Variants in MS4A10 observed in about 807,000 individuals in gnomAD.
MS4A10 encodes the protein membrane-spanning 4-domains subfamily A member 10.
Under a neutral mutation model 27.7 loss-of-function variants are expected in MS4A10, and 27 were observed. That is an observed-to-expected ratio of 0.98 (90% CI 0.72 to 1.35). The LOEUF is 1.35. Ranked by LOEUF, MS4A10 falls within the 40% of genes most tolerant of loss-of-function variation. The pLI is 0.00. For synonymous variants in MS4A10, 139 were observed against 131.2 expected, an observed-to-expected ratio of 1.06 and a Z score of -0.41; for missense variants, 338 against 324.7, an observed-to-expected ratio of 1.04 and a Z score of -0.32.
At chr11:60,798,567 C>G in intron 7 of MS4A10, 53 bp downstream of exon 7, 2 of 1,382,130 alleles carry the variant, frequency 1.4e-6, no homozygotes, top group South Asian at 2.3e-5. Context: ...CGCTTGGCCC[C>G]TTCTCCCTGG....
At position 60,798,303 on chromosome 11, in the gene MS4A10, A is replaced by G. The variant is rs954387280; in HGVS notation, c.604-93A>G. 8 of 946,146 alleles carry G rather than the reference A, an allele frequency of 8.5e-6. No individual in the cohort carries two copies. The African/African-American group carries it at 1.3e-4, about 15-fold the overall frequency. The allele number at this position is 946,146 out of a possible 1,614,324, so 58.6% of individuals were successfully genotyped here. ...TTTCCCCACATTCATGGAGAACTTG[A>G]GTCTTCAGAAGTGAACTAGCAGAGA... On this transcript the variant is annotated intron_variant, in intron 6 of 7. Coordinates refer to ENST00000308287, the MANE Select transcript of MS4A10 (RefSeq NM_206893.4).
intron 1 of MS4A10, among the ~76,000 whole-genome samples, chr11:60,789,092 T>C (rs1414289653): frequency 6.6e-6 from 1 of 152,164 alleles, no homozygotes; most frequent in Non-Finnish European, 1.5e-5. Flanking sequence ...GGGCTATTTG[T>C]CCCTCCAAAC....
chr11:60,795,675 G>C lies in MS4A10; in HGVS notation c.603+10G>C, dbSNP rs1007038278. 4 of 1,535,900 alleles carry C rather than the reference G, an allele frequency of 2.6e-6. No individual in the cohort carries two copies. Among genetic ancestry groups the C allele is most frequent in the Non-Finnish European group, 3.5e-6 (4 of 1,142,794 alleles). On this transcript the variant is annotated intron_variant, in intron 6 of 7. Coordinates refer to ENST00000308287, the MANE Select transcript of MS4A10 (RefSeq NM_206893.4). Reference sequence around the variant, plus strand: ...CTGCCCATCTGCAAAGGTAAGACAAGGGCTTGTCTTCCCAGGAAGACAAAA... The same window carrying C: ...CTGCCCATCTGCAAAGGTAAGACAACGGCTTGTCTTCCCAGGAAGACAAAA...
At chr11:60,791,838 T>C (rs1854435857) in intron 3 of MS4A10, among the ~76,000 whole-genome samples, 1 of 152,198 alleles carries the variant, frequency 6.6e-6, no homozygotes, top group Admixed American at 6.5e-5. Context: ...GAAAGAATGA[T>C]TGCAGAGGTG....
At chr11:60,792,817 C>G (rs921930280) in intron 4 of MS4A10, among the ~76,000 whole-genome samples, 2 of 152,236 alleles carry the variant, frequency 1.3e-5, no homozygotes, top group African/African-American at 2.4e-5. Context: ...CTTTGACTTA[C>G]TCCTGACCAC....
Position 60,790,327 on chromosome 11 carries a change from C to A in MS4A10, c.-9C>A. ...CCCGTCCTGCAGCCAGGGCCCCCAT[C>A]CAGCATCAATGAAAGCAGAAGCCAC... On this transcript the variant is annotated 5_prime_UTR_variant, in exon 2 of 8. Transcript: ENST00000308287. 3.1e-6 allele frequency: 5 copies of A among 1,613,620 alleles called. No homozygotes were observed. The highest frequency in any genetic ancestry group is 2.5e-6 in the Non-Finnish European group (3 of 1,179,722).
At chr11:60,790,881 C>T (rs975479855) in intron 2 of MS4A10, 93 bp from the exon 3 acceptor site, 8 of 1,537,584 alleles carry the variant, frequency 5.2e-6, no homozygotes, top group Non-Finnish European at 7.1e-6. Context: ...ACAGAAGGGA[C>T]TCACCACAGC....
intron 6 of MS4A10, among the ~76,000 whole-genome samples, chr11:60,796,873 C>T (rs1854542538): frequency 6.6e-6 from 1 of 152,072 alleles, no homozygotes; most frequent in Non-Finnish European, 1.5e-5. Flanking sequence ...AAGACCCTGA[C>T]CAGAAGTGAT....
At chr11:60,785,573 G>A (rs1320947714) in intron 1 of MS4A10, among the ~76,000 whole-genome samples, 152 bp downstream of exon 1, 1 of 152,182 alleles carries the variant, frequency 6.6e-6, no homozygotes, top group Non-Finnish European at 1.5e-5. Flanking sequence ...TGGCTGTAGG[G>A]TTGGAGCGGT....
At chr11:60,790,190 A>G in intron 1 of MS4A10, 124 bp from the exon 2 acceptor site, 1 of 783,578 alleles carries the variant, frequency 1.3e-6, no homozygotes, top group Non-Finnish European at 2.0e-6. Context: ...AGGGGCTGCC[A>G]GACAGGGCAA....
chr11:60,790,091 G>A (rs1854403010), intron 1 of MS4A10, among the ~76,000 whole-genome samples: 1 of 152,178 alleles, frequency 6.6e-6, no homozygotes, highest in African/African-American at 2.4e-5. Context: ...AAAAGGAGCT[G>A]TGTCTTTGCA....
At chr11:60,792,201 TG>T in intron 3 of MS4A10, 63 bp from the exon 4 acceptor site, 1 of 1,253,838 alleles carries the variant, frequency 8.0e-7, no homozygotes, top group Non-Finnish European at 1.2e-6. Flanking sequence ...GGGGTGGGGG[TG>T]GGAATTTGTG....
intron 2 of MS4A10, 87 bp downstream of exon 2, chr11:60,790,605 AAGGGAAAAGAGAAAGG>A: frequency 7.0e-7 from 1 of 1,422,980 alleles, no homozygotes; most frequent in Non-Finnish European, 9.6e-7. Flanking sequence ...CAAGGGAAGA[AAGGGAAAAGAGAAAGG>A]CTCCAGCTTT....
rs763056970 is a variant in MS4A10, at chr11:60,799,935, A to G, written c.*26A>G. ...AGAGCCACTGCCTGACAATGCCCAA[A>G]CTTGGTTGGAGCATAGCCCCTGCTC... On this transcript the variant is annotated 3_prime_UTR_variant, in exon 8 of 8. Transcript: ENST00000308287. 1 of 1,614,034 alleles carries G rather than the reference A, an allele frequency of 6.2e-7. No individual in the cohort carries two copies. Among genetic ancestry groups the G allele is most frequent in the Non-Finnish European group, 8.5e-7 (1 of 1,180,018 alleles).
chr11:60,789,889 G>A (rs777931613), intron 1 of MS4A10, among the ~76,000 whole-genome samples: 1 of 152,168 alleles, frequency 6.6e-6, no homozygotes, highest in Non-Finnish European at 1.5e-5. Context: ...CACCACAGGA[G>A]GTAGGACAAT....
Position 60,790,379 on chromosome 11 carries a change from G to A in MS4A10, c.44G>A (p.Gly15Glu), listed in dbSNP as rs759259654. 6.2e-7 allele frequency: 1 copy of A among 1,614,140 alleles called. No homozygotes were observed. The highest frequency in any genetic ancestry group is 2.2e-5 in the East Asian group (1 of 44,868). ...ATVIPSRCARGLPSWQVLSPV... is the reference protein window; with the variant it reads ...ATVIPSRCARELPSWQVLSPV... Reference sequence around the variant, plus strand: ...GTTATTCCCAGCCGTTGTGCTAGGGGGCTCCCATCATGGCAAGTCCTCAGC... The same window carrying A: ...GTTATTCCCAGCCGTTGTGCTAGGGAGCTCCCATCATGGCAAGTCCTCAGC... Residue 15 changes from glycine (G) to glutamate (E), a missense_variant, in exon 2 of 8, where the codon GGG (glycine) becomes GAG (glutamate). Gly to Glu is a moderately conservative substitution (Grantham distance 98, BLOSUM62 -2). Transcript: ENST00000308287.
chr11:60,793,106 G>A (rs1387510965), intron 4 of MS4A10, among the ~76,000 whole-genome samples: 1 of 152,056 alleles, frequency 6.6e-6, no homozygotes, highest in Non-Finnish European at 1.5e-5. Flanking sequence ...CCCTCCTTCT[G>A]CCCCCGAAGC....
chr11:60,790,970 C>T lies in MS4A10; in HGVS notation c.184-4C>T. 1.2e-6 allele frequency: 2 copies of T among 1,614,092 alleles called. No homozygotes were observed. Among genetic ancestry groups the T allele is most frequent in the Non-Finnish European group, 1.7e-6 (2 of 1,179,964 alleles). ...ACCCCAGCCATTCTCTCTTCCCCAC[C>T]CAGGCCTTCCACATCACCATCGCTC... On this transcript the variant is annotated splice_polypyrimidine_tract_variant and splice_region_variant and intron_variant, in intron 2 of 7. Coordinates refer to ENST00000308287, the MANE Select transcript of MS4A10 (RefSeq NM_206893.4).
chr11:60,786,173 G>GCACA (rs776986366), intron 1 of MS4A10, among the ~76,000 whole-genome samples: 315 of 139,966 alleles, frequency 2.3e-3, no homozygotes, highest in African/African-American at 5.3e-3. Context: ...GCACACACAT[G>GCACA]CACACACACA....
Sources: allele counts gnomAD v4.1 joint callset (sites outside exome capture counted in the v4.1 genomes callset), GRCh38; gene constraint gnomAD v4.1.1; transcripts MANE v1.5; gene names NCBI Gene and HGNC (gene_info 2026-07-23, HGNC 2026-07-21).